The following SULT2B1 variants were observed in gnomAD, a reference collection of about 807,000 sequenced individuals.
SULT2B1 encodes sulfotransferase 2B1.
SULT2B1 carries 16 observed loss-of-function variants against 33.2 expected under a neutral mutation model. The ratio of observed to expected loss-of-function variants is 0.48; its 90% confidence interval spans 0.33 to 0.73. SULT2B1 has a LOEUF of 0.73. Among genes scored for constraint, SULT2B1 ranks in the 30% least tolerant of loss-of-function variants. The pLI is 0.02. For missense variants in SULT2B1, 500 were observed against 506.0 expected, an observed-to-expected ratio of 0.99 and a Z score of 0.11; for synonymous variants, 186 against 200.5, an observed-to-expected ratio of 0.93 and a Z score of 0.61.
chr19:48,573,079 C>T (rs1300654462), intron 1 of SULT2B1, among the ~76,000 whole-genome samples: 1 of 150,740 alleles, frequency 6.6e-6, no homozygotes. Context: ...ATCGCTTGAA[C>T]TTGGAAGGCG....
intron 6 of SULT2B1, 150 bp from the exon 7 acceptor site, chr19:48,598,985 G>A: frequency 7.3e-7 from 1 of 1,373,434 alleles, no homozygotes. Context: ...ACACAAAGGG[G>A]GCAATGTGGA....
rs1973581268 is a variant in SULT2B1 at position 48,587,511 on chromosome 19, C to G, written c.423+74C>G. 4 of 1,512,518 alleles carry G rather than the reference C, an allele frequency of 2.6e-6. No individual in the cohort carries two copies. The South Asian group carries it at 4.6e-5, about 17-fold the overall frequency. 93.7% of individuals were successfully genotyped at this position (1,512,518 alleles called of 1,614,324 possible). A position where few individuals can be genotyped will look rare whatever the true frequency, so the allele number is the denominator to read the frequency against. On this transcript the variant is annotated intron_variant, in intron 3 of 6. Transcript: ENST00000201586. ...GGGGTAATGGGGGGACGGAGCATAA[C>G]TCATTGATTCATTCAGCACCTATTT...
At chr19:48,568,634 G>A (rs1973275388) in intron 1 of SULT2B1, among the ~76,000 whole-genome samples, 1 of 152,308 alleles carries the variant, frequency 6.6e-6, no homozygotes, top group Non-Finnish European at 1.5e-5. Flanking sequence ...AGGGCAGGGC[G>A]CCGGGACACT....
rs1377390992 is a variant in SULT2B1 at position 48,576,354 on chromosome 19, C to T, written c.214+271C>T. Among the ~76,000 whole-genome samples, 10 of 79,916 alleles carry T rather than the reference C, an allele frequency of 1.3e-4. 1 individual carries two copies. The highest frequency in any genetic ancestry group is 1.6e-4 in the African/African-American group (3 of 18,246). 52.4% of individuals were successfully genotyped at this position (79,916 alleles called of 152,430 possible). On this transcript the variant is annotated intron_variant, in intron 2 of 6. Transcript: ENST00000201586. ...TCCTCCCTTTCCCCTTTACCCTCTA[C>T]TTCTCTTTTTTTTTTTTTTTTTTGT...
In SULT2B1 at chr19:48,552,303, A is replaced by G; in HGVS notation, c.51A>G (p.Glu17=). 6.2e-7 allele frequency: 1 copy of G among 1,612,474 alleles called. No homozygotes were observed. Among genetic ancestry groups the G allele is most frequent in the Non-Finnish European group, 8.5e-7 (1 of 1,178,476 alleles). The change falls in exon 1 of 7, where the codon GAA becomes GAG. Residue 17 remains glutamate (E), a synonymous_variant. Transcript: ENST00000201586. This position sits in a 1 kb window ranked among gnomAD's most constrained non-coding sequence, Gnocchi z 4.8. ...TCCCGGGCTTGTGGGACACCTATGA[A>G]GATGACATCTCGGAAATCAGGTGAG... ...PQIPGLWDTY[E]DDISEISQKL...
At chr19:48,571,770 T>C (rs1482709577) in intron 1 of SULT2B1, among the ~76,000 whole-genome samples, 1 of 151,984 alleles carries the variant, frequency 6.6e-6, no homozygotes, top group East Asian at 1.9e-4. Context: ...ACAGGTGTGA[T>C]GGTAGGCAGA....
chr19:48,592,654 A>G (rs963114977), intron 4 of SULT2B1, 68 bp from the exon 5 acceptor site: 2 of 1,366,758 alleles, frequency 1.5e-6, no homozygotes, highest in East Asian at 2.5e-5. Context: ...AGTTAGACCC[A>G]TGAGCCCCAG....
rs1239973575 is a variant in SULT2B1, at chr19:48,587,305, C to T, written c.291C>T (p.Ile97=). 1 of 1,614,100 alleles carries T rather than the reference C, an allele frequency of 6.2e-7. No individual in the cohort carries two copies. Among genetic ancestry groups the T allele is most frequent in the African/African-American group, 1.3e-5 (1 of 75,036 alleles). The change falls in exon 3 of 7, where the codon ATC becomes ATT. Residue 97 remains isoleucine (I), a synonymous_variant. Transcript: ENST00000201586. The part of the protein sequence containing the change: ...GDPSWIRSVP[I]WERAPWCETI... ...CATCCTGGATCCGCTCCGTGCCCAT[C>T]TGGGAGCGGGCACCCTGGTGTGAGA...
At chr19:48,580,143 A>G (rs1282073174) in intron 2 of SULT2B1, among the ~76,000 whole-genome samples, 1 of 149,448 alleles carries the variant, frequency 6.7e-6, no homozygotes, top group Non-Finnish European at 1.5e-5. Flanking sequence ...TGTTGCCCAG[A>G]CTGGTTTCAA....
intron 1 of SULT2B1, among the ~76,000 whole-genome samples, chr19:48,557,883 C>T (rs1295433853): frequency 3.9e-5 from 6 of 152,110 alleles, no homozygotes; most frequent in Non-Finnish European, 8.8e-5. Context: ...CGTGTCATTA[C>T]ACTCCAGCCT....
At chr19:48,569,391 T>C (rs1293299900) in intron 1 of SULT2B1, among the ~76,000 whole-genome samples, 1 of 79,726 alleles carries the variant, frequency 1.3e-5, no homozygotes, top group Non-Finnish European at 2.5e-5. Flanking sequence ...TATATATATA[T>C]ATATATATGA....
chr19:48,589,275 G>A (rs777144632), intron 3 of SULT2B1, among the ~76,000 whole-genome samples: 23 of 151,860 alleles, frequency 1.5e-4, no homozygotes, highest in Non-Finnish European at 2.4e-4. Flanking sequence ...CCAAGGTTTC[G>A]GCGGAAGCAA....
chr19:48,552,889 G>A lies in SULT2B1; in HGVS notation c.71+566G>A, dbSNP rs1052040272. Among the ~76,000 whole-genome samples, 10 of 152,226 alleles carry A rather than the reference G, an allele frequency of 6.6e-5. No homozygotes were observed. Among genetic ancestry groups the A allele is most frequent in the East Asian group, 3.9e-4 (2 of 5,180 alleles). On this transcript the variant is annotated intron_variant, in intron 1 of 6. Coordinates refer to ENST00000201586, the MANE Select transcript of SULT2B1 (RefSeq NM_177973.2). This position sits in a 1 kb window ranked among gnomAD's most constrained non-coding sequence, Gnocchi z 4.8. ...CACTGCCCACTTCCATGAGCTCAGC[G>A]TGACTCCCTCTTCCTGGGGATGAGT...
intron 3 of SULT2B1, among the ~76,000 whole-genome samples, chr19:48,589,572 C>T (rs1973616409): frequency 6.6e-6 from 1 of 152,176 alleles, no homozygotes; most frequent in Non-Finnish European, 1.5e-5. Context: ...TCCCCAAGAC[C>T]ACCCTCAGGC....
At chr19:48,590,431 G>A (rs888070447) in intron 3 of SULT2B1, among the ~76,000 whole-genome samples, 15 of 152,034 alleles carry the variant, frequency 9.9e-5, no homozygotes, top group East Asian at 5.9e-4. Flanking sequence ...GTGAAAACCC[G>A]TCTCTACTAA....
chr19:48,588,436 C>A (rs1347528816), intron 3 of SULT2B1, among the ~76,000 whole-genome samples: 2 of 151,094 alleles, frequency 1.3e-5, no homozygotes, highest in African/African-American at 2.4e-5. Flanking sequence ...CGCTTGAACC[C>A]AGGAGGCGGA....
chr19:48,584,252 A>G (rs567815567), intron 2 of SULT2B1, among the ~76,000 whole-genome samples: 1 of 152,184 alleles, frequency 6.6e-6, no homozygotes, highest in Non-Finnish European at 1.5e-5. Flanking sequence ...ACAAGATTAG[A>G]GTTTCGCTGC....
intron 2 of SULT2B1, among the ~76,000 whole-genome samples, chr19:48,580,465 G>A (rs769617339): frequency 4.0e-5 from 6 of 151,892 alleles, no homozygotes; most frequent in Non-Finnish European, 8.8e-5. Context: ...TCACCATGTT[G>A]GCCAGGCTGG....
In SULT2B1 at chr19:48,589,961, TTTTCTTTTTTCTTTTTC is replaced by T. The variant is rs1436763196; in HGVS notation, c.424-1631_424-1615del. Among the ~76,000 whole-genome samples, 6 of 152,122 alleles carry T rather than the reference TTTTCTTTTTTCTTTTTC, an allele frequency of 3.9e-5. No individual in the cohort carries two copies. The East Asian group carries it at 5.8e-4, about 15-fold the overall frequency. On this transcript the variant is annotated intron_variant, in intron 3 of 6. Coordinates refer to ENST00000201586, the MANE Select transcript of SULT2B1 (RefSeq NM_177973.2). ...CAAGGACAGAACAAGACCTTGTTTC[TTTTCTTTTTTCTTTTTC>T]TTTCTTTTTTCTTTTTTTGAGACAG... is the stretch of plus-strand genomic sequence containing the variant.
Sources: allele counts gnomAD v4.1 joint callset (sites outside exome capture counted in the v4.1 genomes callset), GRCh38; gene constraint gnomAD v4.1.1; non-coding constraint Gnocchi (gnomAD v3.1); transcripts MANE v1.5; gene names NCBI Gene and HGNC (gene_info 2026-07-23, HGNC 2026-07-21).